MICAL2: variants seen among roughly 807,000 people sequenced by gnomAD.
The protein encoded by MICAL2 is microtubule associated monooxygenase, calponin and LIM domain containing 2.
A neutral mutation model predicts 127.3 loss-of-function variants in MICAL2; 77 were observed. The observed-to-expected ratio is 0.60, with a 90% CI of 0.50 to 0.73. The LOEUF (loss-of-function observed/expected upper bound fraction) is 0.73, where lower values mean the gene tolerates loss of function less well. Among genes scored for constraint, MICAL2 ranks in the 30% least tolerant of loss-of-function variants. The pLI, the probability that MICAL2 is intolerant of heterozygous loss-of-function variation, is 0.00. For missense variants in MICAL2, 1,351 were observed against 1,434.4 expected, an observed-to-expected ratio of 0.94 and a Z score of 0.94; for synonymous variants, 570 against 551.1, an observed-to-expected ratio of 1.03 and a Z score of -0.48.
chr11:12,330,827 GACAGAC>G (rs1349094446), intron 32 of MICAL2, among the ~76,000 whole-genome samples: 127 of 120,404 alleles, frequency 1.1e-3, no homozygotes, highest in African/African-American at 1.6e-3. Flanking sequence ...GAGAGGGAGA[GACAGAC>G]AGAGAGAGAG....
At chr11:12,340,967 T>C (rs1938855129) in intron 32 of MICAL2, among the ~76,000 whole-genome samples, 1 of 152,220 alleles carries the variant, frequency 6.6e-6, no homozygotes, top group South Asian at 2.1e-4. Context: ...CATCTTGGGC[T>C]TGTCAAGACT....
intron 29 of MICAL2, among the ~76,000 whole-genome samples, chr11:12,299,308 ACACT>A (rs1170804993): frequency 6.6e-6 from 1 of 152,074 alleles, no homozygotes; most frequent in East Asian, 1.9e-4. Context: ...CACCAAACAC[ACACT>A]CACATATATG....
At chr11:12,358,487 C>G (rs555226376), downstream of MICAL2, 7 of 1,612,060 alleles carry the variant, frequency 4.3e-6, no homozygotes, top group Non-Finnish European at 5.9e-6. Context: ...TGAGGAGGCC[C>G]GTAGTCCCTC....
intron 1 of MICAL2, among the ~76,000 whole-genome samples, chr11:12,120,014 T>A (rs966023598): frequency 6.6e-6 from 1 of 152,202 alleles, no homozygotes. Flanking sequence ...TGCTTACAGT[T>A]GGCTGCGTGT....
intron 34 of MICAL2, among the ~76,000 whole-genome samples, chr11:12,357,495 G>A (rs916893438): frequency 6.6e-6 from 1 of 152,182 alleles, no homozygotes; most frequent in African/African-American, 2.4e-5. Context: ...GCCTCACTTT[G>A]CTTCCCTGTG....
At chr11:12,236,787 G>A (rs985911016) in intron 16 of MICAL2, among the ~76,000 whole-genome samples, 1 of 152,194 alleles carries the variant, frequency 6.6e-6, no homozygotes, top group African/African-American at 2.4e-5. Context: ...TTGATCAAGG[G>A]GAAAGAGTGT....
chr11:12,309,066 T>C (rs1043504951), intron 29 of MICAL2, among the ~76,000 whole-genome samples: 1 of 152,210 alleles, frequency 6.6e-6, no homozygotes, highest in African/African-American at 2.4e-5. Flanking sequence ...TGATAAATCA[T>C]AGTTTTATTT....
intron 1 of MICAL2, among the ~76,000 whole-genome samples, chr11:12,114,059 C>T (rs1849806073): frequency 6.6e-6 from 1 of 152,198 alleles, no homozygotes; most frequent in Non-Finnish European, 1.5e-5. Context: ...AGTCCTCTCT[C>T]AAAAATATTA....
intron 2 of MICAL2, among the ~76,000 whole-genome samples, chr11:12,150,479 G>A (rs1419161594): frequency 6.6e-6 from 1 of 151,996 alleles, no homozygotes; most frequent in East Asian, 1.9e-4. Context: ...GGGGATCTTT[G>A]GGGGACAGAC....
At chr11:12,146,067 A>C (rs1223862169) in intron 2 of MICAL2, among the ~76,000 whole-genome samples, 1 of 152,220 alleles carries the variant, frequency 6.6e-6, no homozygotes, top group Non-Finnish European at 1.5e-5. Flanking sequence ...AATTAATTCA[A>C]GATGGATTAA....
At chr11:12,301,690 G>C (rs1198088999) in intron 29 of MICAL2, among the ~76,000 whole-genome samples, 1 of 152,198 alleles carries the variant, frequency 6.6e-6, no homozygotes, top group Non-Finnish European at 1.5e-5. Flanking sequence ...TCAGGCTGGG[G>C]CTCAGTAGAG....
chr11:12,139,904 C>G (rs10831741), intron 2 of MICAL2, among the ~76,000 whole-genome samples: 65,193 of 151,966 alleles, frequency 0.43, 14,180 homozygotes, highest in Middle Eastern at 0.51. Context: ...ACGTGCTGTT[C>G]TTCTCTCTTC....
intron 32 of MICAL2, among the ~76,000 whole-genome samples, chr11:12,337,740 C>T (rs1051922348): frequency 1.3e-5 from 2 of 151,998 alleles, no homozygotes; most frequent in Non-Finnish European, 2.9e-5. Flanking sequence ...GCAGGTTGTT[C>T]AGTTTCCATG....
exon 3 of MICAL2, chr11:12,287,265 C>T (rs1863837192): frequency 2.5e-6 from 1 of 397,320 alleles, no homozygotes. Flanking sequence ...TGGTATCTCT[C>T]TGGCATGGCC....
intron 3 of MICAL2, among the ~76,000 whole-genome samples, chr11:12,180,349 A>ATATATATATATATTTT (rs11403732): frequency 7.2e-6 from 1 of 139,682 alleles, no homozygotes; most frequent in African/African-American, 2.7e-5. Flanking sequence ...ATATGTATAT[A>ATATATATATATATTTT]TTTTTTTTTT....
intron 21 of MICAL2, 152 bp downstream of exon 21, chr11:12,244,264 T>G (rs73418194): frequency 8.9e-7 from 1 of 1,123,360 alleles, no homozygotes; most frequent in Non-Finnish European, 1.3e-6. Context: ...CAATTTTGTT[T>G]TTGTGTTAGA....
intron 22 of MICAL2, among the ~76,000 whole-genome samples, chr11:12,249,727 C>T (rs756069399): frequency 5.9e-5 from 9 of 152,240 alleles, no homozygotes; most frequent in Non-Finnish European, 1.3e-4. Context: ...CTCGATGCTC[C>T]TGGCAGGCTG....
At chr11:12,120,343 G>A (rs1850403541) in intron 1 of MICAL2, among the ~76,000 whole-genome samples, 1 of 152,252 alleles carries the variant, frequency 6.6e-6, no homozygotes, top group South Asian at 2.1e-4. Flanking sequence ...ACAGGAGGAG[G>A]AGGGAATCCT....
downstream of MICAL2, among the ~76,000 whole-genome samples, chr11:12,289,353 T>A (rs992043956): frequency 9.2e-5 from 14 of 152,128 alleles, no homozygotes; most frequent in Admixed American, 7.9e-4. Context: ...GGGATGTGAG[T>A]TGGCCAATGA....
Sources: allele counts gnomAD v4.1 joint callset (sites outside exome capture counted in the v4.1 genomes callset), GRCh38; gene constraint gnomAD v4.1.1; transcripts MANE v1.5; gene names NCBI Gene and HGNC (gene_info 2026-07-23, HGNC 2026-07-21).